The following ACSS3 variants were observed in gnomAD, a reference collection of about 807,000 sequenced individuals.
The protein encoded by ACSS3 is acyl-CoA synthetase short-chain family member 3, mitochondrial.
In ACSS3, 64 loss-of-function variants were observed where a neutral mutation model predicts 84.2. The ratio of observed to expected loss-of-function variants is 0.76; its 90% CI spans 0.62 to 0.94. ACSS3 has a LOEUF of 0.94. Ranked by LOEUF, ACSS3 falls within the 40% of genes least tolerant of loss-of-function variation. The pLI is 0.00. For missense variants in ACSS3, 815 were observed against 867.6 expected (o/e 0.94, Z 0.76); for synonymous variants, 317 against 310.1 (o/e 1.02, Z -0.23).
chr12:81,213,569 C>A (rs1004649813), intron 9 of ACSS3, among the ~76,000 whole-genome samples: 2 of 55,254 alleles, frequency 3.6e-5, no homozygotes, highest in Non-Finnish European at 8.7e-5. Flanking sequence ...CTCCTCTCCT[C>A]TCCTCTCCTC....
At chr12:81,103,382 A>G (rs1280374597) in intron 1 of ACSS3, among the ~76,000 whole-genome samples, 1 of 152,228 alleles carries the variant, frequency 6.6e-6, no homozygotes, top group African/African-American at 2.4e-5. Context: ...AAGGAACAGT[A>G]GAGAGTCAGC....
chr12:81,102,667 C>CA (rs71309551), intron 1 of ACSS3, among the ~76,000 whole-genome samples: 8,329 of 146,620 alleles, frequency 0.057, 369 homozygotes, highest in African/African-American at 0.12. Flanking sequence ...CTAAAACTAC[C>CA]AAAAAAAAAA....
chr12:81,136,699 G>A (rs1419737680), intron 3 of ACSS3, among the ~76,000 whole-genome samples: 2 of 152,152 alleles, frequency 1.3e-5, no homozygotes, highest in Admixed American at 6.6e-5. Flanking sequence ...GAGAGAAGGT[G>A]AGCTTGCAAG....
chr12:81,143,127 C>T lies in ACSS3; in HGVS notation c.801C>T (p.Pro267=), dbSNP rs2400893. The T allele has an allele frequency of 3.3e-5, 54 of 1,612,358 alleles. No homozygotes were observed. Among genetic ancestry groups the T allele is most frequent in the South Asian group, 6.6e-5 (6 of 90,900 alleles). ...TGTAGGAGGCGGTTCCTTTGGCTCC[C>T]GGTCGTGACCTTGATTGGGATGAAG... ...RPNMEAVPLA[P]GRDLDWDEEM... Residue 267 remains proline (P), a synonymous_variant, in exon 5 of 16, where the codon CCC becomes CCT. Transcript: ENST00000548058.
chr12:81,153,882 A>G (rs1018283737), intron 7 of ACSS3, among the ~76,000 whole-genome samples: 2 of 152,196 alleles, frequency 1.3e-5, no homozygotes, highest in East Asian at 3.8e-4. Flanking sequence ...TCTGAATGCT[A>G]AGAAATATTA....
intron 7 of ACSS3, among the ~76,000 whole-genome samples, chr12:81,158,985 G>C (rs1417659730): frequency 6.6e-6 from 1 of 152,082 alleles, no homozygotes; most frequent in African/African-American, 2.4e-5. Context: ...CACATATTCA[G>C]TATTTAATAC....
chr12:81,249,492 C>A (rs144385564), intron 13 of ACSS3, among the ~76,000 whole-genome samples: 1 of 152,038 alleles, frequency 6.6e-6, no homozygotes, highest in African/African-American at 2.4e-5. Context: ...GAGGGTTGTT[C>A]TAACCAAAGT....
chr12:81,155,288 C>G (rs1184845457), intron 7 of ACSS3, among the ~76,000 whole-genome samples: 2 of 152,144 alleles, frequency 1.3e-5, no homozygotes, highest in African/African-American at 4.8e-5. Flanking sequence ...AGTCTTTGCT[C>G]TATTTTCTTA....
chr12:81,146,830 T>C (rs1182057409), intron 5 of ACSS3, among the ~76,000 whole-genome samples: 1 of 152,188 alleles, frequency 6.6e-6, no homozygotes, highest in Non-Finnish European at 1.5e-5. Flanking sequence ...ATATTTATCT[T>C]GTTCAGTTTG....
chr12:81,217,937 T>G (rs543374774), intron 10 of ACSS3, among the ~76,000 whole-genome samples: 1 of 152,314 alleles, frequency 6.6e-6, no homozygotes, highest in African/African-American at 2.4e-5. Context: ...GACTAAAAGC[T>G]ATAATATCCT....
intron 12 of ACSS3, 52 bp downstream of exon 12, chr12:81,231,190 T>C (rs1004468658): frequency 6.4e-6 from 9 of 1,395,964 alleles, no homozygotes; most frequent in Non-Finnish European, 8.9e-6. Flanking sequence ...TCTATAATTC[T>C]TGCCTATTAA....
intron 9 of ACSS3, among the ~76,000 whole-genome samples, chr12:81,203,662 C>T (rs1274524914): frequency 2.0e-5 from 3 of 152,130 alleles, no homozygotes; most frequent in African/African-American, 7.2e-5. Context: ...TGTTCACCAC[C>T]ACTGAAGCAT....
At chr12:81,120,484 A>G (rs1191786290) in intron 2 of ACSS3, among the ~76,000 whole-genome samples, 5 of 152,214 alleles carry the variant, frequency 3.3e-5, no homozygotes, top group Non-Finnish European at 1.5e-5. Flanking sequence ...TTAATCTAGC[A>G]CAATTTTCAT....
chr12:81,211,115 G>A lies in ACSS3; in HGVS notation c.1355-5786G>A, dbSNP rs565911378. Among the ~76,000 whole-genome samples the A allele has an allele frequency of 1.1e-4, 16 of 151,958 alleles. 1 individual carries two copies. Among genetic ancestry groups the A allele is most frequent in the African/African-American group, 3.1e-4 (13 of 41,440 alleles). The stretch of plus-strand genomic sequence containing the variant: ...CCCAATAGCTGGGACTACTGGGTGT[G>A]CACCACCATACTTGGCTAATTTTTG... On this transcript the variant is annotated intron_variant, in intron 9 of 15. Coordinates refer to ENST00000548058, the MANE Select transcript of ACSS3 (RefSeq NM_024560.4).
chr12:81,184,556 T>A (rs2031141826), intron 8 of ACSS3, among the ~76,000 whole-genome samples: 1 of 151,552 alleles, frequency 6.6e-6, no homozygotes, highest in Admixed American at 6.6e-5. Flanking sequence ...GAGAAAAGAC[T>A]GAAATAAATA....
rs370892192 is a variant in ACSS3 at position 81,181,955 on chromosome 12, A to G, written c.1250+7016A>G. On this transcript the variant is annotated intron_variant, in intron 8 of 15. Coordinates refer to ENST00000548058, the MANE Select transcript of ACSS3 (RefSeq NM_024560.4). ...GAAGTATTGCATTATGTTCTTTAAG[A>G]AGGGAAGAGACAGAGAAAGGGACTA... Among the ~76,000 whole-genome samples, 3 of 152,228 alleles carry G rather than the reference A, an allele frequency of 2.0e-5. No individual in the cohort carries two copies. In the East Asian group the frequency reaches 5.8e-4, roughly 29 times the overall value.
chr12:81,094,180 C>CTG (rs371392868), intron 1 of ACSS3, among the ~76,000 whole-genome samples: 13,240 of 132,784 alleles, frequency 0.1, 647 homozygotes, highest in Middle Eastern at 0.15. Flanking sequence ...CTCTGTCTCT[C>CTG]TCTCTGTGTG....
intron 1 of ACSS3, among the ~76,000 whole-genome samples, chr12:81,089,815 T>C (rs973291082): frequency 6.6e-6 from 1 of 152,010 alleles, no homozygotes; most frequent in Non-Finnish European, 1.5e-5. Flanking sequence ...AATCACTATA[T>C]GTATATTATC....
rs555400631 is a variant in ACSS3, at chr12:81,251,610, T to C, written c.1720-1697T>C. On this transcript the variant is annotated intron_variant, in intron 13 of 15. Coordinates refer to ENST00000548058, the MANE Select transcript of ACSS3 (RefSeq NM_024560.4). ...ACTTTGGGAGGCCGAAGCAGGTAGA[T>C]TGCTTGAGCCCAGGAGTTTGAGACC... 2.9e-4 allele frequency among the ~76,000 whole-genome samples: 42 copies of C among 145,842 alleles called. No homozygotes were observed. The South Asian group carries it at 9.1e-3, about 32-fold the overall frequency.
Sources: gnomAD v4.1 joint callset for allele counts (sites outside exome capture counted in the v4.1 genomes callset) on GRCh38, gnomAD v4.1.1 for gene constraint, MANE v1.5 for transcripts, NCBI Gene and HGNC (gene_info 2026-07-23, HGNC 2026-07-21) for gene names.